The following SLC24A2 variants were observed in gnomAD, a reference collection of about 807,000 sequenced individuals.
SLC24A2 encodes the protein solute carrier family 24 member 2, also known as sodium/potassium/calcium exchanger 2.
SLC24A2 carries 36 observed loss-of-function variants against 62.0 expected under a neutral mutation model. The ratio of observed to expected loss-of-function variants is 0.58; its 90% CI spans 0.44 to 0.77. The LOEUF is 0.77. Among genes scored for constraint, SLC24A2 ranks in the 30% least tolerant of loss-of-function variants. The probability of loss-of-function intolerance (pLI) is 0.00; values close to 1 mark genes in which losing one functional copy is unlikely to be tolerated. For synonymous variants in SLC24A2, 358 were observed against 294.0 expected (o/e 1.22, Z -2.23); for missense variants, 846 against 817.9 (o/e 1.03, Z -0.42).
the SLC24A2 span, among the ~76,000 whole-genome samples, chr9:19,871,091 T>C: frequency 1.3e-5 from 2 of 152,154 alleles, no homozygotes; most frequent in African/African-American, 4.8e-5. Flanking sequence ...ACCTGTGTTT[T>C]TTCCAAAGAG....
chr9:19,917,202 T>C, the SLC24A2 span, among the ~76,000 whole-genome samples: 1 of 151,486 alleles, frequency 6.6e-6, no homozygotes, highest in African/African-American at 2.4e-5. Context: ...TTTGTTTTGA[T>C]CTCACATAGC....
At chr9:20,236,212 C>A in the SLC24A2 span, among the ~76,000 whole-genome samples, 2 of 152,180 alleles carry the variant, frequency 1.3e-5, no homozygotes, top group African/African-American at 4.8e-5. Flanking sequence ...AACATGGAAT[C>A]CCTGGTACTT....
At chr9:19,531,264 C>G (rs3780218) in intron 8 of SLC24A2, among the ~76,000 whole-genome samples, 1 of 151,990 alleles carries the variant, frequency 6.6e-6, no homozygotes, top group African/African-American at 2.4e-5. Flanking sequence ...ATTCCCCTTA[C>G]TTGGACAGCA....
chr9:19,561,557 C>T (rs6475352), intron 7 of SLC24A2, among the ~76,000 whole-genome samples: 17,771 of 151,336 alleles, frequency 0.12, 1,119 homozygotes, highest in African/African-American at 0.17. Flanking sequence ...GCCTCAGCCT[C>T]CCGAGTAGCT....
Position 19,622,221 on chromosome 9 carries a change from A to G in SLC24A2, c.969+40T>C, listed in dbSNP as rs759266038. 1.9e-6 allele frequency: 3 copies of G among 1,590,946 alleles called. No homozygotes were observed. The Admixed American group carries it at 5.0e-5, about 27-fold the overall frequency. ...CCCACCCCTGCCCCACGCTCTCCAC[A>G]GGCACACAAACAGGTACAGACAAAG... On this transcript the variant is annotated intron_variant, in intron 3 of 10. Coordinates refer to ENST00000341998, the MANE Select transcript of SLC24A2 (RefSeq NM_020344.4).
the SLC24A2 span, among the ~76,000 whole-genome samples, chr9:19,909,818 G>A: frequency 6.6e-6 from 1 of 152,058 alleles, no homozygotes; most frequent in African/African-American, 2.4e-5. Flanking sequence ...GGTTATGCCA[G>A]AGTGGTGTAT....
chr9:20,290,723 T>A, the SLC24A2 span, among the ~76,000 whole-genome samples: 2 of 152,162 alleles, frequency 1.3e-5, no homozygotes, highest in Non-Finnish European at 2.9e-5. Flanking sequence ...CATGCTACCA[T>A]GGAAATACAA....
the SLC24A2 span, among the ~76,000 whole-genome samples, chr9:19,852,488 T>C: frequency 3.3e-5 from 5 of 152,106 alleles, no homozygotes; most frequent in African/African-American, 9.7e-5. Flanking sequence ...TCTTGAGTTA[T>C]TTTTTATATA....
At chr9:20,126,132 C>T in the SLC24A2 span, among the ~76,000 whole-genome samples, 9 of 152,102 alleles carry the variant, frequency 5.9e-5, no homozygotes, top group Non-Finnish European at 1.0e-4. Context: ...GAGAGATGAT[C>T]GGTGGAGTTT....
chr9:19,877,547 G>T, the SLC24A2 span, among the ~76,000 whole-genome samples: 1 of 151,826 alleles, frequency 6.6e-6, no homozygotes, highest in African/African-American at 2.4e-5. Context: ...TGTTTGGAGT[G>T]AAGGAGTATG....
chr9:20,018,073 A>G, the SLC24A2 span, among the ~76,000 whole-genome samples: 7 of 152,040 alleles, frequency 4.6e-5, no homozygotes, highest in African/African-American at 1.4e-4. Context: ...CAGCCTCCCA[A>G]GTAGCTGGGA....
At chr9:20,267,340 G>T in the SLC24A2 span, among the ~76,000 whole-genome samples, 2 of 152,034 alleles carry the variant, frequency 1.3e-5, no homozygotes, top group African/African-American at 4.8e-5. Flanking sequence ...GGTAAGTTTG[G>T]AATAAGAATA....
At chr9:20,030,235 T>G in the SLC24A2 span, among the ~76,000 whole-genome samples, 1 of 152,204 alleles carries the variant, frequency 6.6e-6, no homozygotes, top group Non-Finnish European at 1.5e-5. Flanking sequence ...TACTTTTAAA[T>G]TGTTCTATCA....
the SLC24A2 span, among the ~76,000 whole-genome samples, chr9:20,097,089 A>C: frequency 6.6e-6 from 1 of 152,186 alleles, no homozygotes; most frequent in Non-Finnish European, 1.5e-5. Flanking sequence ...TTACACCTAT[A>C]ATAAATATTC....
At chr9:20,288,815 G>T in the SLC24A2 span, among the ~76,000 whole-genome samples, 1 of 151,390 alleles carries the variant, frequency 6.6e-6, no homozygotes, top group African/African-American at 2.4e-5. Context: ...TTACCTCTCT[G>T]CCTAGCTCTG....
chr9:20,140,298 T>C, the SLC24A2 span, among the ~76,000 whole-genome samples: 2 of 152,122 alleles, frequency 1.3e-5, no homozygotes, highest in Non-Finnish European at 2.9e-5. Context: ...GTGGAATGCA[T>C]TTTTGTTCAA....
chr9:20,253,684 C>A, the SLC24A2 span, among the ~76,000 whole-genome samples: 1 of 152,172 alleles, frequency 6.6e-6, no homozygotes, highest in South Asian at 2.1e-4. Context: ...ATTCTCTGTG[C>A]AGCCAGGGTT....
rs141225866 is a variant in SLC24A2, at chr9:19,669,006, T to A, written c.931-46707A>T. On this transcript the variant is annotated intron_variant, in intron 2 of 10. Transcript: ENST00000341998. ...AGAACAGAAGGTTTTATAAATATTC[T>A]TGCTCCCTCGGCACTTGGCCTGGTA... 2.0e-3 allele frequency among the ~76,000 whole-genome samples: 299 copies of A among 152,350 alleles called. 1 individual carries two copies. The highest frequency in any genetic ancestry group is 6.6e-3 in the African/African-American group (273 of 41,596).
chr9:19,560,908 TATATATATAGAG>T (rs1377515265), intron 7 of SLC24A2, among the ~76,000 whole-genome samples: 129 of 58,852 alleles, frequency 2.2e-3, no homozygotes, highest in African/African-American at 9.5e-3. Context: ...TATATATATA[TATATATATAGAG>T]AGAGAGAGAG....
Sources: gnomAD v4.1 joint callset for allele counts (sites outside exome capture counted in the v4.1 genomes callset) on GRCh38, gnomAD v4.1.1 for gene constraint, MANE v1.5 for transcripts, NCBI Gene and HGNC (gene_info 2026-07-23, HGNC 2026-07-21) for gene names.